PCDHGA6: variants seen among roughly 807,000 people sequenced by gnomAD.
PCDHGA6 encodes the protein protocadherin gamma-A6.
PCDHGA6 carries 41 observed loss-of-function variants against 60.6 expected under a neutral mutation model. The ratio of observed to expected loss-of-function variants is 0.68; its 90% CI spans 0.53 to 0.88. PCDHGA6 has a LOEUF of 0.88. Among genes scored for constraint, PCDHGA6 ranks in the 40% least tolerant of loss-of-function variants. PCDHGA6 has a pLI of 0.00. For synonymous variants in PCDHGA6, 594 were observed against 524.4 expected, an observed-to-expected ratio of 1.13 and a Z score of -1.81; for missense variants, 1,312 against 1,203.0, an observed-to-expected ratio of 1.09 and a Z score of -1.34.
At chr5:141,420,284 TA>T in intron 1 of PCDHGA6, 2 of 1,505,934 alleles carry the variant, frequency 1.3e-6, no homozygotes, top group East Asian at 2.3e-5. Context: ...GGTAAGTATT[TA>T]AAAATGTATT....
rs1417719002 is a variant in PCDHGA6, at chr5:141,376,262, G to A, written c.2179G>A (p.Ala727Thr). Residue 727 changes from alanine (A) to threonine (T), a missense_variant, in exon 1 of 4, where the codon GCT becomes ACT. Ala to Thr is a moderately conservative substitution (Grantham distance 58). Coordinates refer to ENST00000517434, the MANE Select transcript of PCDHGA6 (RefSeq NM_018919.3). ...CTGGCACAAGTCACGCCTGCTGCAG[G>A]CTTCGGGAGGTGGCTTAGCGAGCAT... The part of the protein sequence containing the change: ...QRWHKSRLLQ[A>T]SGGGLASMPG... 1.2e-6 allele frequency: 2 copies of A among 1,614,108 alleles called. No individual in the cohort carries two copies. Among genetic ancestry groups the A allele is most frequent in the Admixed American group, 1.7e-5 (1 of 60,012 alleles).
chr5:141,414,243 A>G (rs2154544977), intron 1 of PCDHGA6: 1 of 1,613,556 alleles, frequency 6.2e-7, no homozygotes. Context: ...TCACGTCTCT[A>G]TTTAGTCCAG....
chr5:141,376,780 G>A (rs1466188950), intron 1 of PCDHGA6: 2 of 383,610 alleles, frequency 5.2e-6, no homozygotes, highest in African/African-American at 2.2e-5. Flanking sequence ...TCCGCTTCCC[G>A]GGTTCACGCC....
chr5:141,457,504 A>G (rs2098922754), intron 1 of PCDHGA6, among the ~76,000 whole-genome samples: 1 of 152,222 alleles, frequency 6.6e-6, no homozygotes, highest in Non-Finnish European at 1.5e-5. Context: ...GTAGGCAAAA[A>G]GCTTAAAAAC....
At position 141,399,851 on chromosome 5, in the gene PCDHGA6, C is replaced by G. The variant is rs971471583; in HGVS notation, c.2424+23344C>G. 7 of 1,612,832 alleles carry G rather than the reference C, an allele frequency of 4.3e-6. No individual in the cohort carries two copies. In the African/African-American group the frequency reaches 6.7e-5, roughly 15 times the overall value. Reference sequence around the variant, plus strand: ...GGCTCTGCGCTCTTCGATATGGTGCCGCGCGCTGCAGAGCCCGGCTACCTG... The same window carrying G: ...GGCTCTGCGCTCTTCGATATGGTGCGGCGCGCTGCAGAGCCCGGCTACCTG... On this transcript the variant is annotated intron_variant, in intron 1 of 3. Coordinates refer to ENST00000517434, the MANE Select transcript of PCDHGA6 (RefSeq NM_018919.3).
chr5:141,483,872 T>A (rs1373802168), intron 1 of PCDHGA6, among the ~76,000 whole-genome samples: 1 of 152,080 alleles, frequency 6.6e-6, no homozygotes, highest in African/African-American at 2.4e-5. Context: ...CAGATCAGGA[T>A]GGATTTTTCT....
intron 1 of PCDHGA6, chr5:141,405,602 A>C: frequency 1.7e-6 from 1 of 572,914 alleles, no homozygotes; most frequent in South Asian, 2.3e-5. Flanking sequence ...CCCAAGTAGA[A>C]TAACTGGGAC....
chr5:141,417,821 A>G (rs769813917), intron 1 of PCDHGA6: 1 of 1,514,942 alleles, frequency 6.6e-7, no homozygotes, highest in African/African-American at 1.4e-5. Flanking sequence ...ACTTTCTCCA[A>G]CTGGAAAAGC....
At chr5:141,414,583 G>A (rs570765907) in intron 1 of PCDHGA6, 1 of 1,613,736 alleles carries the variant, frequency 6.2e-7, no homozygotes, top group Non-Finnish European at 8.5e-7. Context: ...AGAGAACAAC[G>A]CCAGGGGTGC....
At chr5:141,382,121 C>T (rs1437558526) in intron 1 of PCDHGA6, among the ~76,000 whole-genome samples, 1 of 152,068 alleles carries the variant, frequency 6.6e-6, no homozygotes, top group African/African-American at 2.4e-5. Flanking sequence ...AGCAACAGCA[C>T]CTGGCCCCCC....
intron 1 of PCDHGA6, chr5:141,399,419 G>T (rs778389329): frequency 6.2e-7 from 1 of 1,614,000 alleles, no homozygotes; most frequent in Admixed American, 1.7e-5. Context: ...CTCTCCTCCA[G>T]CATAAGCGTC....
At chr5:141,436,829 G>C (rs1194891483) in intron 1 of PCDHGA6, among the ~76,000 whole-genome samples, 3 of 152,214 alleles carry the variant, frequency 2.0e-5, no homozygotes, top group African/African-American at 7.2e-5. Flanking sequence ...AAAATCTTAA[G>C]TGCCTAGGCA....
rs181495329 is a variant in PCDHGA6, at chr5:141,489,120, G to A, written c.2425-5687G>A. ...AACTGCTGCAAGCAGGCAAACCTCC[G>A]AGCAGTTTTTAAGAGGCTGGAAGGA... is the stretch of plus-strand genomic sequence containing the variant. On this transcript the variant is annotated intron_variant, in intron 1 of 3. Coordinates refer to ENST00000517434, the MANE Select transcript of PCDHGA6 (RefSeq NM_018919.3). This position sits in a 1 kb window ranked among gnomAD's most constrained non-coding sequence, Gnocchi z 4.5. 1.8e-5 allele frequency: 8 copies of A among 445,672 alleles called. No homozygotes were observed. The East Asian group carries it at 1.9e-4, about 11-fold the overall frequency. The allele number at this position is 445,672 out of a possible 1,614,324, so 27.6% of individuals were successfully genotyped here.
Position 141,375,490 on chromosome 5 carries a change from C to T in PCDHGA6, c.1407C>T (p.Ala469=), listed in dbSNP as rs752487734. The change falls in exon 1 of 4, where the codon GCC becomes GCT. Residue 469 remains alanine, a synonymous_variant. Coordinates refer to ENST00000517434, the MANE Select transcript of PCDHGA6 (RefSeq NM_018919.3). The stretch of plus-strand genomic sequence containing the variant: ...TCCTTGAAAACAACCCCAGGGGTGC[C>T]TCCATCTTCTCTGTGAATGCACTGG... The part of the protein sequence containing the change: ...VYVLENNPRG[A]SIFSVNALDP... The T allele has an allele frequency of 6.2e-7, 1 of 1,614,012 alleles. No homozygotes were observed. The highest frequency in any genetic ancestry group is 2.2e-5 in the East Asian group (1 of 44,868).
Position 141,374,497 on chromosome 5 carries a change from G to T in PCDHGA6, c.414G>T (p.Leu138Phe). The change falls in exon 1 of 4, where the codon TTG (leucine) becomes TTT (phenylalanine). Residue 138 changes from leucine (L) to phenylalanine (F), a missense_variant. Transcript: ENST00000517434. ...CACCCCGATTCTTAAAGGAAGAATT[G>T]GAAGTGAAAATTCTCGAAAACGCAG... ...DNTPRFLKEE[L>F]EVKILENAAP... The T allele has an allele frequency of 3.1e-6, 5 of 1,611,562 alleles. No individual in the cohort carries two copies. Among genetic ancestry groups the T allele is most frequent in the Non-Finnish European group, 4.2e-6 (5 of 1,177,848 alleles).
intron 1 of PCDHGA6, among the ~76,000 whole-genome samples, chr5:141,429,326 T>A (rs571458414): frequency 6.6e-6 from 1 of 152,230 alleles, no homozygotes; most frequent in East Asian, 1.9e-4. Context: ...TTTTCTTTAA[T>A]CCATTAACTA....
intron 1 of PCDHGA6, among the ~76,000 whole-genome samples, chr5:141,430,347 A>C (rs2097274758): frequency 6.6e-6 from 1 of 151,944 alleles, no homozygotes; most frequent in Non-Finnish European, 1.5e-5. Flanking sequence ...CTTCCAATTC[A>C]TTTAAAAGCT....
rs2099394683 is a variant in PCDHGA6, at chr5:141,476,602, C to G, written c.2425-18205C>G. 2.5e-6 allele frequency: 4 copies of G among 1,614,208 alleles called. No individual in the cohort carries two copies. The highest frequency in any genetic ancestry group is 2.2e-5 in the East Asian group (1 of 44,862). Reference sequence around the variant, plus strand: ...TTCCGCTCGAGAGCGCGCACGATCCCGATGTGGGAAGCAACTCTTTACAAA... The same window carrying G: ...TTCCGCTCGAGAGCGCGCACGATCCGGATGTGGGAAGCAACTCTTTACAAA... On this transcript the variant is annotated intron_variant, in intron 1 of 3. Transcript: ENST00000517434. This position sits in a 1 kb window ranked among gnomAD's most constrained non-coding sequence, Gnocchi z 7.6.
intron 1 of PCDHGA6, chr5:141,390,129 T>G (rs1194598931): frequency 6.2e-7 from 1 of 1,613,936 alleles, no homozygotes; most frequent in Non-Finnish European, 8.5e-7. Flanking sequence ...TTTGCCTTAT[T>G]CCTACAATCT....
Sources: gnomAD v4.1 joint callset for allele counts (sites outside exome capture counted in the v4.1 genomes callset) on GRCh38, gnomAD v4.1.1 for gene constraint, Gnocchi (gnomAD v3.1) non-coding constraint, MANE v1.5 for transcripts, NCBI Gene and HGNC (gene_info 2026-07-23, HGNC 2026-07-21) for gene names.